Variants in OXLD1 observed in about 807,000 individuals in gnomAD.
OXLD1 encodes oxidoreductase-like domain-containing protein 1.
OXLD1 carries 4 observed loss-of-function variants against 3.1 expected under a neutral mutation model. That is an observed-to-expected ratio of 1.28 (90% CI 0.63 to 2.92). OXLD1 has a LOEUF of 2.92. Ranked by LOEUF, OXLD1 falls within the 30% of genes most tolerant of loss-of-function variation. The pLI, the probability that OXLD1 is intolerant of heterozygous loss-of-function variation, is 0.01. For missense variants in OXLD1, 240 were observed against 204.6 expected (o/e 1.17, Z -1.05); for synonymous variants, 100 against 87.0 (o/e 1.15, Z -0.83).
chr17:81,666,518 C>T lies in OXLD1; in HGVS notation c.60G>A (p.Ser20=). 1 of 1,525,806 alleles carries T rather than the reference C, an allele frequency of 6.6e-7. No homozygotes were observed. Among genetic ancestry groups the T allele is most frequent in the Admixed American group, 2.0e-5 (1 of 50,634 alleles). 94.5% of individuals were successfully genotyped at this position (1,525,806 alleles called of 1,614,324 possible). A position where few individuals can be genotyped will look rare whatever the true frequency, so the allele number is the denominator to read the frequency against. The change falls in exon 1 of 2, where the codon TCG becomes TCA. Residue 20 remains serine (S), a splice_region_variant and synonymous_variant. Coordinates refer to ENST00000374741, the MANE Select transcript of OXLD1 (RefSeq NM_001039842.3). The stretch of plus-strand genomic sequence containing the variant: ...TGCCAAGACCCGTCCTGGTACTTGC[C>T]GAGCCACGGACCGCGGCGGCTACCG... ...GRAVAAAVRG[S]GARRFSSPDC...
In OXLD1 at chr17:81,665,458, C is replaced by T. The variant is rs1187408333; in HGVS notation, c.187G>A (p.Glu63Lys). ...TCCGCACCTGCTTGGGAGCCCACCT[C>T]TACGTGGTCTGTCCCGAATTTTCTG... is the stretch of plus-strand genomic sequence containing the variant. ...GRRKFGTDHV[E>K]VGSQAGADGT... Residue 63 changes from glutamate (E) to lysine (K), a missense_variant, in exon 2 of 2, where the codon GAG becomes AAG. Transcript: ENST00000374741. The T allele has an allele frequency of 1.9e-6, 3 of 1,613,350 alleles. No individual in the cohort carries two copies. Among genetic ancestry groups the T allele is most frequent in the Non-Finnish European group, 2.5e-6 (3 of 1,180,040 alleles).
rs1369124511 is a variant in OXLD1, at chr17:81,665,310, T to G, written c.335A>C (p.Gln112Pro). The G allele has an allele frequency of 7.4e-6, 12 of 1,613,508 alleles. No individual in the cohort carries two copies. The highest frequency in any genetic ancestry group is 1.0e-5 in the Non-Finnish European group (12 of 1,179,996). The change falls in exon 2 of 2, where the codon CAG becomes CCG. Residue 112 changes from glutamine to proline, a missense_variant. Transcript: ENST00000374741. ...AGCCAGGGCCCGCTCCCCACCGTCC[T>G]GGAAGTGCTGCAGCAGCCTGTCCGC... ...EYADRLLQHF[Q>P]DGGERALAAL...
chr17:81,665,986 T>G (rs2036606361), intron 1 of OXLD1: 4 of 381,692 alleles, frequency 1.0e-5, no homozygotes, highest in African/African-American at 2.1e-5. Context: ...CCACCACCTC[T>G]GAGGGACCAA....
chr17:81,666,443 G>A, intron 1 of OXLD1, 75 bp downstream of exon 1: 2 of 1,496,262 alleles, frequency 1.3e-6, no homozygotes, highest in Admixed American at 2.0e-5. Flanking sequence ...GGCTCCTCCC[G>A]GTACGTGCGG....
rs1448582127 is a variant in OXLD1, at chr17:81,665,451, C to A, written c.194G>T (p.Gly65Val). Reference sequence around the variant, plus strand: ...GGTGCCGTCCGCACCTGCTTGGGAGCCCACCTCTACGTGGTCTGTCCCGAA... The same window carrying A: ...GGTGCCGTCCGCACCTGCTTGGGAGACCACCTCTACGTGGTCTGTCCCGAA... ...RKFGTDHVEV[G>V]SQAGADGTRP... The change falls in exon 2 of 2, where the codon GGC (glycine) becomes GTC (valine). Residue 65 changes from glycine to valine, a missense_variant. Coordinates refer to ENST00000374741, the MANE Select transcript of OXLD1 (RefSeq NM_001039842.3). The A allele has an allele frequency of 6.2e-7, 1 of 1,613,472 alleles. No individual in the cohort carries two copies. Among genetic ancestry groups the A allele is most frequent in the African/African-American group, 1.3e-5 (1 of 75,042 alleles).
In OXLD1 at chr17:81,665,059, T is replaced by C; in HGVS notation, c.*142A>G. Reference sequence around the variant, plus strand: ...CCTCCTGTGAAACCACCATAGAGAATTTATTTTTTTCTCAGGTGAAGTCAG... The same window carrying C: ...CCTCCTGTGAAACCACCATAGAGAACTTATTTTTTTCTCAGGTGAAGTCAG... On this transcript the variant is annotated 3_prime_UTR_variant, in exon 2 of 2. Transcript: ENST00000374741. 8.6e-7 allele frequency: 1 copy of C among 1,167,082 alleles called. No homozygotes were observed. The highest frequency in any genetic ancestry group is 1.2e-6 in the Non-Finnish European group (1 of 850,198). 72.3% of individuals were successfully genotyped at this position (1,167,082 alleles called of 1,614,324 possible). A position where few individuals can be genotyped will look rare whatever the true frequency, so the allele number is the denominator to read the frequency against.
intron 1 of OXLD1, 161 bp from the exon 2 acceptor site, chr17:81,665,745 G>T: frequency 1.2e-6 from 1 of 808,734 alleles, no homozygotes; most frequent in Non-Finnish European, 1.9e-6. Context: ...CACCTCTCTA[G>T]ACTCAGTTTC....
intron 1 of OXLD1, 186 bp from the exon 2 acceptor site, chr17:81,665,770 G>A (rs2036597905): frequency 4.4e-6 from 3 of 679,554 alleles, no homozygotes; most frequent in South Asian, 2.1e-5. Context: ...CTGTGCAATG[G>A]AAGTCATGGG....
chr17:81,666,383 C>A (rs1044664977), intron 1 of OXLD1, 135 bp downstream of exon 1: 2 of 1,087,334 alleles, frequency 1.8e-6, no homozygotes, highest in African/African-American at 1.6e-5. Flanking sequence ...CGGCGGCGGC[C>A]AGCGCGCGAT....
In OXLD1 at chr17:81,665,439, C is replaced by T. The variant is rs141179122; in HGVS notation, c.206G>A (p.Gly69Asp). 5.0e-6 allele frequency: 8 copies of T among 1,613,428 alleles called. No individual in the cohort carries two copies. The highest frequency in any genetic ancestry group is 5.9e-6 in the Non-Finnish European group (7 of 1,180,044). Residue 69 changes from glycine to aspartate, a missense_variant, in exon 2 of 2, where the codon GGT becomes GAT. Coordinates refer to ENST00000374741, the MANE Select transcript of OXLD1 (RefSeq NM_001039842.3). Reference sequence around the variant, plus strand: ...CTTGGGCGGCCTGGTGCCGTCCGCACCTGCTTGGGAGCCCACCTCTACGTG... The same window carrying T: ...CTTGGGCGGCCTGGTGCCGTCCGCATCTGCTTGGGAGCCCACCTCTACGTG... ...TDHVEVGSQA[G>D]ADGTRPPKAS...
Position 81,665,476 on chromosome 17 carries a change from A to G in OXLD1, c.169T>C (p.Phe57Leu), listed in dbSNP as rs1217822279. 1 of 1,613,288 alleles carries G rather than the reference A, an allele frequency of 6.2e-7. No homozygotes were observed. The highest frequency in any genetic ancestry group is 1.7e-5 in the Admixed American group (1 of 60,012). ...CCCACCTCTACGTGGTCTGTCCCGA[A>G]TTTTCTGCGCCCATCAGGGGCTTGC... Reference protein sequence around the residue: ...GAQAPDGRRKFGTDHVEVGSQ... With the variant: ...GAQAPDGRRKLGTDHVEVGSQ... Residue 57 changes from phenylalanine to leucine, a missense_variant, in exon 2 of 2, where the codon TTC becomes CTC. Coordinates refer to ENST00000374741, the MANE Select transcript of OXLD1 (RefSeq NM_001039842.3).
At chr17:81,665,711 C>T (rs2036595906) in intron 1 of OXLD1, 127 bp from the exon 2 acceptor site, 7 of 1,116,978 alleles carry the variant, frequency 6.3e-6, no homozygotes, top group Non-Finnish European at 7.4e-6. Context: ...TTTTTCACTT[C>T]CTGTGACTTT....
chr17:81,666,600 A>ACC lies in OXLD1; in HGVS notation c.-25_-24dup. The ACC allele has an allele frequency of 7.1e-7, 1 of 1,407,224 alleles. No homozygotes were observed. The highest frequency in any genetic ancestry group is 9.3e-7 in the Non-Finnish European group (1 of 1,080,334). The allele number at this position is 1,407,224 out of a possible 1,614,324, so 87.2% of individuals were successfully genotyped here. ...CATCGCCCGCGGACGGGATCCGGCA[A>ACC]CCCCTGACCGTGAGCGGCGGGCGCT... On this transcript the variant is annotated 5_prime_UTR_variant, in exon 1 of 2. Transcript: ENST00000374741.
rs762570660 is a variant in OXLD1, at chr17:81,666,536, G to A, written c.42C>T (p.Ala14=). ...TACTTGCCGAGCCACGGACCGCGGC[G>A]GCTACCGCCCGGCCTCCCTCGACCA... ...RRVVEGGRAV[A]AAVRGSGARR... is the part of the protein sequence containing the mutation. Residue 14 remains alanine (A), a synonymous_variant, in exon 1 of 2, where the codon GCC becomes GCT. Coordinates refer to ENST00000374741, the MANE Select transcript of OXLD1 (RefSeq NM_001039842.3). 15 of 1,524,380 alleles carry A rather than the reference G, an allele frequency of 9.8e-6. No homozygotes were observed. Among genetic ancestry groups the A allele is most frequent in the East Asian group, 2.6e-5 (1 of 37,744 alleles). The allele number at this position is 1,524,380 out of a possible 1,614,324, so 94.4% of individuals were successfully genotyped here.
In OXLD1 at chr17:81,665,369, C is replaced by CA; in HGVS notation, c.275dup (p.Met92IlefsTer37). On this transcript the variant is annotated frameshift_variant, in exon 2 of 2. Transcript: ENST00000374741. LOFTEE classifies it high-confidence loss of function. ...CCCACACGCAGTTGGGGCAGCCACT[C>CA]ATGCAGCAGTTTGTGGGCGGCTGGA... 2 of 1,613,670 alleles carry CA rather than the reference C, an allele frequency of 1.2e-6. No individual in the cohort carries two copies. Among genetic ancestry groups the CA allele is most frequent in the Non-Finnish European group, 1.7e-6 (2 of 1,180,030 alleles).
In OXLD1 at chr17:81,665,508, G is replaced by C. The variant is rs1353609651; in HGVS notation, c.137C>G (p.Pro46Arg). 6.2e-7 allele frequency: 1 copy of C among 1,611,756 alleles called. No individual in the cohort carries two copies. Among genetic ancestry groups the C allele is most frequent in the Non-Finnish European group, 8.5e-7 (1 of 1,178,908 alleles). ...GCGCCCATCAGGGGCTTGCGCTCCG[G>C]GATGGTGCCTTTGAAGAAAGCTGCC... ...GGGSFLQRHH[P>R]GAQAPDGRRK... Residue 46 changes from proline to arginine, a missense_variant, in exon 2 of 2, where the codon CCC (proline) becomes CGC (arginine). Coordinates refer to ENST00000374741, the MANE Select transcript of OXLD1 (RefSeq NM_001039842.3).
rs746159731 is a variant in OXLD1, at chr17:81,665,368, T to TTATG, written c.276_277insCATA (p.Ser93HisfsTer37). On this transcript the variant is annotated frameshift_variant, in exon 2 of 2. Transcript: ENST00000374741. LOFTEE classifies it high-confidence loss of function. ...ACCCACACGCAGTTGGGGCAGCCAC[T>TTATG]CATGCAGCAGTTTGTGGGCGGCTGG... The TTATG allele has an allele frequency of 3.1e-6, 5 of 1,613,634 alleles. No homozygotes were observed. Among genetic ancestry groups the TTATG allele is most frequent in the Non-Finnish European group, 4.2e-6 (5 of 1,180,018 alleles).
Position 81,665,575 on chromosome 17 carries a change from G to C in OXLD1, c.70C>G (p.Arg24Gly). 6.3e-7 allele frequency: 1 copy of C among 1,587,622 alleles called. No individual in the cohort carries two copies. The highest frequency in any genetic ancestry group is 8.6e-7 in the Non-Finnish European group (1 of 1,163,710). ...TGGCAGCAGTCCGGGCTGGAGAACC[G>C]GCGAGCCCCCTGAGGATGCAGACAA... is the stretch of plus-strand genomic sequence containing the variant. ...AAAVRGSGAR[R>G]FSSPDCCQRL... Residue 24 changes from arginine to glycine, a missense_variant, in exon 2 of 2, where the codon CGG becomes GGG. Transcript: ENST00000374741.
intron 1 of OXLD1, 58 bp from the exon 2 acceptor site, chr17:81,665,642 C>A (rs568876514): frequency 2.0e-6 from 3 of 1,508,418 alleles, no homozygotes; most frequent in East Asian, 2.3e-5. Context: ...CGGTCTACCC[C>A]CAGCAGTGAG....
Sources: allele counts gnomAD v4.1 joint callset, GRCh38; gene constraint gnomAD v4.1.1; transcripts MANE v1.5; gene names NCBI Gene and HGNC (gene_info 2026-07-23, HGNC 2026-07-21).